Variants in L2HGDH observed in about 807,000 individuals in gnomAD.
The protein encoded by L2HGDH is L-2-hydroxyglutarate dehydrogenase, mitochondrial.
A neutral mutation model predicts 51.5 loss-of-function variants in L2HGDH; 34 were observed. The observed-to-expected ratio is 0.66, with a 90% CI of 0.50 to 0.88. L2HGDH has a LOEUF of 0.88. Ranked by LOEUF, L2HGDH falls within the 40% of genes least tolerant of loss-of-function variation. The pLI is 0.00. For missense variants in L2HGDH, 558 were observed against 571.9 expected (o/e 0.98, Z 0.25); for synonymous variants, 198 against 197.9 (o/e 1.00, Z -0.01).
intron 3 of L2HGDH, among the ~76,000 whole-genome samples, chr14:50,295,562 C>T (rs2029982238): frequency 6.8e-6 from 1 of 147,210 alleles, no homozygotes; most frequent in East Asian, 2.0e-4. Flanking sequence ...ATGTGCACCA[C>T]ACTCGGCTAA....
intron 9 of L2HGDH, among the ~76,000 whole-genome samples, chr14:50,262,752 C>A (rs1889106014): frequency 2.0e-5 from 3 of 151,944 alleles, no homozygotes; most frequent in Admixed American, 1.3e-4. Flanking sequence ...AACGTATCTT[C>A]CCCCGAGAAA....
Position 50,269,166 on chromosome 14 carries a change from A to G in L2HGDH, c.903T>C (p.Tyr301=). 6.2e-7 allele frequency: 1 copy of G among 1,613,766 alleles called. No individual in the cohort carries two copies. The highest frequency in any genetic ancestry group is 8.5e-7 in the Non-Finnish European group (1 of 1,179,720). ...AGTAGGAAGCATCATTACCTACCGG[A>G]TAAATATTTCCTTTTACAAGATAAC... is the stretch of plus-strand genomic sequence containing the variant. ...EKCYLVKGNI[Y]PVPDSRFPFL... is the part of the protein sequence containing the mutation. The change falls in exon 7 of 10, where the codon TAT becomes TAC. Residue 301 remains tyrosine (Y), a synonymous_variant. Transcript: ENST00000267436.
At chr14:50,285,920 C>T (rs1278407704) in intron 4 of L2HGDH, among the ~76,000 whole-genome samples, 1 of 152,180 alleles carries the variant, frequency 6.6e-6, no homozygotes, top group African/African-American at 2.4e-5. Context: ...CCCACCTATA[C>T]ATGTGTGTTG....
At chr14:50,294,518 A>G (rs567624711) in intron 3 of L2HGDH, among the ~76,000 whole-genome samples, 59 of 152,326 alleles carry the variant, frequency 3.9e-4, no homozygotes, top group African/African-American at 1.3e-3. Flanking sequence ...CATAGTCTCT[A>G]TGTGCATCTT....
In L2HGDH at chr14:50,244,690, A is replaced by G. The variant is rs1312684157; in HGVS notation, c.*2368T>C. On this transcript the variant is annotated 3_prime_UTR_variant, in exon 10 of 10. Coordinates refer to ENST00000267436, the MANE Select transcript of L2HGDH (RefSeq NM_024884.3). ...CTACTTCTTAAACATGAGCTGATGA[A>G]GTGTAGCCTTTCAAATTAATGGATG... 2 of 985,322 alleles carry G rather than the reference A, an allele frequency of 2.0e-6. No homozygotes were observed. The highest frequency in any genetic ancestry group is 2.4e-6 in the Non-Finnish European group (2 of 829,954). The allele number at this position is 985,322 out of a possible 1,614,324, so 61.0% of individuals were successfully genotyped here. A position where few individuals can be genotyped will look rare whatever the true frequency, so the allele number is the denominator to read the frequency against.
At chr14:50,293,251 T>A (rs1427932261) in intron 4 of L2HGDH, 1 of 702,348 alleles carries the variant, frequency 1.4e-6, no homozygotes, top group East Asian at 2.7e-5. Flanking sequence ...AAATAATGGT[T>A]TTTTGATAAG....
At chr14:50,280,713 G>A (rs1340078906) in intron 5 of L2HGDH, among the ~76,000 whole-genome samples, 3 of 150,828 alleles carry the variant, frequency 2.0e-5, no homozygotes, top group East Asian at 3.9e-4. Context: ...GGGGTCTCGC[G>A]ATGTTGCCCA....
At chr14:50,254,724 A>G (rs1383957844) in intron 9 of L2HGDH, among the ~76,000 whole-genome samples, 1 of 152,052 alleles carries the variant, frequency 6.6e-6, no homozygotes, top group African/African-American at 2.4e-5. Context: ...AAACCCTACA[A>G]TCCAAATTTT....
intron 9 of L2HGDH, among the ~76,000 whole-genome samples, chr14:50,252,872 A>G (rs1888445341): frequency 6.6e-6 from 1 of 152,100 alleles, no homozygotes; most frequent in Admixed American, 6.6e-5. Context: ...TATTGGATAG[A>G]TCTCCCAGGC....
At chr14:50,302,791 T>C in intron 2 of L2HGDH, 111 bp downstream of exon 2, 1 of 822,758 alleles carries the variant, frequency 1.2e-6, no homozygotes, top group Non-Finnish European at 2.1e-6. Context: ...ACTCTGCTTT[T>C]AGAACACAAA....
chr14:50,243,203 A>C lies in L2HGDH; in HGVS notation c.*3855T>G, dbSNP rs1887866700. The C allele has an allele frequency of 1.0e-6, 1 of 985,314 alleles. No individual in the cohort carries two copies. The allele number at this position is 985,314 out of a possible 1,614,324, so 61.0% of individuals were successfully genotyped here. A position where few individuals can be genotyped will look rare whatever the true frequency, so the allele number is the denominator to read the frequency against. On this transcript the variant is annotated 3_prime_UTR_variant, in exon 10 of 10. Transcript: ENST00000267436. ...ATACACATATATGTATGGATAAAAGAGTTAAGCTACGTAACATGAAACACC... is the reference window on the plus strand; with the variant it reads ...ATACACATATATGTATGGATAAAAGCGTTAAGCTACGTAACATGAAACACC...
intron 1 of L2HGDH, among the ~76,000 whole-genome samples, chr14:50,305,177 C>A (rs1353414899): frequency 6.6e-6 from 1 of 152,048 alleles, no homozygotes; most frequent in Non-Finnish European, 1.5e-5. Context: ...GATAAAGTTC[C>A]CTCTGTCAGA....
Position 50,245,891 on chromosome 14 carries a change from G to A in L2HGDH, c.*1167C>T. On this transcript the variant is annotated 3_prime_UTR_variant, in exon 10 of 10. Transcript: ENST00000267436. Reference sequence around the variant, plus strand: ...AATCCCAGCATTTTGGGAGGCTGAGGCAGGTGGATCACCTGAGGTCAGGAA... The same window carrying A: ...AATCCCAGCATTTTGGGAGGCTGAGACAGGTGGATCACCTGAGGTCAGGAA... 1 of 839,436 alleles carries A rather than the reference G, an allele frequency of 1.2e-6. No individual in the cohort carries two copies. Among genetic ancestry groups the A allele is most frequent in the African/African-American group, 1.8e-5 (1 of 54,410 alleles). The allele number at this position is 839,436 out of a possible 1,614,324, so 52.0% of individuals were successfully genotyped here.
intron 5 of L2HGDH, 22 bp from the exon 6 acceptor site, chr14:50,278,576 A>G: frequency 7.7e-7 from 1 of 1,290,462 alleles, no homozygotes; most frequent in Admixed American, 1.8e-5. Context: ...GAATAAGTGA[A>G]AAATTTATTT....
At chr14:50,266,055 A>T (rs1889313178) in intron 8 of L2HGDH, among the ~76,000 whole-genome samples, 1 of 151,560 alleles carries the variant, frequency 6.6e-6, no homozygotes, top group Non-Finnish European at 1.5e-5. Context: ...CTGAAGTGGG[A>T]GGCTCGCTTA....
intron 6 of L2HGDH, among the ~76,000 whole-genome samples, chr14:50,271,112 C>T (rs1228017649): frequency 6.6e-6 from 1 of 152,132 alleles, no homozygotes; most frequent in Non-Finnish European, 1.5e-5. Flanking sequence ...CCTGCCTAAA[C>T]GAACAGCTGG....
intron 1 of L2HGDH, chr14:50,311,208 T>C (rs1181353955): frequency 2.6e-6 from 1 of 390,142 alleles, no homozygotes; most frequent in South Asian, 1.9e-5. Flanking sequence ...TCCTAAAGCG[T>C]AGCCTCTTCT....
At chr14:50,290,074 G>C (rs1566530215) in intron 4 of L2HGDH, among the ~76,000 whole-genome samples, 1 of 152,008 alleles carries the variant, frequency 6.6e-6, no homozygotes, top group Admixed American at 6.6e-5. Flanking sequence ...GACCATCCTG[G>C]CTAACAAGGT....
In L2HGDH at chr14:50,245,033, A is replaced by G; in HGVS notation, c.*2025T>C. The G allele has an allele frequency of 1.0e-6, 1 of 985,800 alleles. No individual in the cohort carries two copies. Among genetic ancestry groups the G allele is most frequent in the Non-Finnish European group, 1.2e-6 (1 of 829,898 alleles). 61.1% of individuals were successfully genotyped at this position (985,800 alleles called of 1,614,324 possible). ...ATAATTTCGATAGATACCACAAAACACATATATACAGGATATACCACAGCA... is the reference window on the plus strand; with the variant it reads ...ATAATTTCGATAGATACCACAAAACGCATATATACAGGATATACCACAGCA... On this transcript the variant is annotated 3_prime_UTR_variant, in exon 10 of 10. Transcript: ENST00000267436.
Sources: allele counts gnomAD v4.1 joint callset (sites outside exome capture counted in the v4.1 genomes callset), GRCh38; gene constraint gnomAD v4.1.1; transcripts MANE v1.5; gene names NCBI Gene and HGNC (gene_info 2026-07-23, HGNC 2026-07-21).